Variants in IMPACT observed in about 807,000 individuals in gnomAD.
IMPACT encodes the protein impact RWD domain protein, also known as protein IMPACT.
A neutral mutation model predicts 47.5 loss-of-function variants in IMPACT; 35 were observed. The ratio of observed to expected loss-of-function variants is 0.74; its 90% confidence interval spans 0.56 to 0.98. The LOEUF (loss-of-function observed/expected upper bound fraction) is 0.98, where lower values mean the gene tolerates loss of function less well. IMPACT is among the 50% of genes least tolerant of loss of function. The probability of loss-of-function intolerance (pLI) is 0.00; values close to 1 mark genes in which losing one functional copy is unlikely to be tolerated. For missense variants in IMPACT, 373 were observed against 394.8 expected (o/e 0.94, Z 0.47); for synonymous variants, 118 against 125.6 (o/e 0.94, Z 0.40).
chr18:24,435,588 C>G (rs1219402677), intron 4 of IMPACT: 2 of 152,134 alleles, frequency 1.3e-5, no homozygotes, highest in Non-Finnish European at 2.9e-5. Flanking sequence ...GTCAAACAGA[C>G]AAGGAAGACT....
intron 4 of IMPACT, among the ~76,000 whole-genome samples, chr18:24,436,831 C>T (rs895448429): frequency 1.3e-5 from 2 of 152,064 alleles, no homozygotes; most frequent in African/African-American, 2.4e-5. Context: ...GATTACACCA[C>T]GCCCGGCTCT....
At chr18:24,446,107 A>C (rs939192496) in intron 8 of IMPACT, among the ~76,000 whole-genome samples, 10 of 152,140 alleles carry the variant, frequency 6.6e-5, no homozygotes, top group Admixed American at 2.6e-4. Flanking sequence ...TTTTTGAGAC[A>C]GGGTCTCAAA....
At position 24,434,817 on chromosome 18, in the gene IMPACT, A is replaced by G. The variant is rs566369496; in HGVS notation, c.282-3138A>G. Among the ~76,000 whole-genome samples, 5 of 144,448 alleles carry G rather than the reference A, an allele frequency of 3.5e-5. No individual in the cohort carries two copies. In the East Asian group the frequency reaches 6.0e-4, roughly 17 times the overall value. 94.8% of individuals were successfully genotyped at this position (144,448 alleles called of 152,430 possible). A position where few individuals can be genotyped will look rare whatever the true frequency, so the allele number is the denominator to read the frequency against. ...TATATGTGTGTGTGTGTGTATATAT[A>G]TGTGTATTATATAAGTGTATATATA... is the stretch of plus-strand genomic sequence containing the variant. On this transcript the variant is annotated intron_variant, in intron 4 of 10. Coordinates refer to ENST00000284202, the MANE Select transcript of IMPACT (RefSeq NM_018439.4).
chr18:24,426,844 G>T (rs1455266827), intron 1 of IMPACT, 52 bp downstream of exon 1: 4 of 1,200,062 alleles, frequency 3.3e-6, no homozygotes, highest in East Asian at 3.2e-5. Context: ...GGCTCGCCTC[G>T]CCATGCCAGT....
At chr18:24,450,025 A>G in intron 10 of IMPACT, 72 bp downstream of exon 10, 1 of 1,494,746 alleles carries the variant, frequency 6.7e-7, no homozygotes, top group Non-Finnish European at 9.3e-7. Flanking sequence ...AAGACAGAAA[A>G]TTAAGAATGA....
intron 6 of IMPACT, among the ~76,000 whole-genome samples, chr18:24,442,620 A>G (rs2852354): frequency 0.047 from 7,142 of 152,302 alleles, 271 homozygotes; most frequent in African/African-American, 0.11. Context: ...AAGAATATAA[A>G]TTCATAGTTT....
At position 24,453,017 on chromosome 18, in the gene IMPACT, T is replaced by C. The variant is rs1345249673; in HGVS notation, c.*2170T>C. ...GTCTTGAGCTCCTGGCCTCAATCGA[T>C]CTTCCTGCCAAGGTTTTGGAATTAC... is the stretch of plus-strand genomic sequence containing the variant. On this transcript the variant is annotated 3_prime_UTR_variant, in exon 11 of 11. Transcript: ENST00000284202. 9 of 152,210 alleles carry C rather than the reference T, an allele frequency of 5.9e-5. No homozygotes were observed. Among genetic ancestry groups the C allele is most frequent in the Admixed American group, 5.9e-4 (9 of 15,268 alleles). 9.4% of individuals were successfully genotyped at this position (152,210 alleles called of 1,614,324 possible).
Position 24,430,325 on chromosome 18 carries a change from T to C in IMPACT, c.222T>C (p.Ala74=). ...GTAPPIYQLN[A]PWLKGQERAD... is the part of the protein sequence containing the mutation. ...TAATTGTTTTATTTAATCTTAGTGCTCCTTGGCTTAAAGGGCAAGAACGTG... is the reference window on the plus strand; with the variant it reads ...TAATTGTTTTATTTAATCTTAGTGCCCCTTGGCTTAAAGGGCAAGAACGTG... Residue 74 remains alanine (A), a synonymous_variant, in exon 4 of 11, where the codon GCT becomes GCC. Coordinates refer to ENST00000284202, the MANE Select transcript of IMPACT (RefSeq NM_018439.4). The C allele has an allele frequency of 6.3e-7, 1 of 1,592,470 alleles. No homozygotes were observed. Among genetic ancestry groups the C allele is most frequent in the Non-Finnish European group, 8.5e-7 (1 of 1,170,514 alleles).
In IMPACT at chr18:24,450,278, G is replaced by A. The variant is rs973104092; in HGVS notation, c.894+325G>A. ...TCCATCCCTAAAATTGAGCCCCAGA[G>A]TGGTTGTAGCTGATATCACATCAGA... On this transcript the variant is annotated intron_variant, in intron 10 of 10. Coordinates refer to ENST00000284202, the MANE Select transcript of IMPACT (RefSeq NM_018439.4). Among the ~76,000 whole-genome samples, 54 of 152,276 alleles carry A rather than the reference G, an allele frequency of 3.5e-4. 2 individuals carry two copies. Among genetic ancestry groups the A allele is most frequent in the Middle Eastern group, 6.8e-3 (2 of 294 alleles).
chr18:24,440,191 A>AT (rs901423169), intron 5 of IMPACT, among the ~76,000 whole-genome samples: 9 of 152,038 alleles, frequency 5.9e-5, no homozygotes, highest in African/African-American at 2.2e-4. Flanking sequence ...ATCCTATCAT[A>AT]TTTTTTTGTT....
At chr18:24,433,584 GC>G (rs1484578930) in intron 4 of IMPACT, among the ~76,000 whole-genome samples, 1 of 149,124 alleles carries the variant, frequency 6.7e-6, no homozygotes, top group East Asian at 2.0e-4. Flanking sequence ...TGATCCTCCT[GC>G]CTCTCAGCCT....
chr18:24,428,064 C>G lies in IMPACT; in HGVS notation c.165+17C>G, dbSNP rs1370323979. 6 of 1,560,682 alleles carry G rather than the reference C, an allele frequency of 3.8e-6. No individual in the cohort carries two copies. Among genetic ancestry groups the G allele is most frequent in the Non-Finnish European group, 5.2e-6 (6 of 1,160,338 alleles). The stretch of plus-strand genomic sequence containing the variant: ...TGCTTGCAGGTACTTTTTCCCCCTT[C>G]CTTGCAGCCATCTTTCAGTTACAGT... On this transcript the variant is annotated intron_variant, in intron 2 of 10. Transcript: ENST00000284202.
Position 24,428,862 on chromosome 18 carries a change from A to C in IMPACT, c.166-7A>C. The C allele has an allele frequency of 6.2e-7, 1 of 1,609,550 alleles. No individual in the cohort carries two copies. The highest frequency in any genetic ancestry group is 8.5e-7 in the Non-Finnish European group (1 of 1,177,172). On this transcript the variant is annotated splice_polypyrimidine_tract_variant and splice_region_variant and intron_variant, in intron 2 of 10. Coordinates refer to ENST00000284202, the MANE Select transcript of IMPACT (RefSeq NM_018439.4). The stretch of plus-strand genomic sequence containing the variant: ...TGTAAACAGATGTTTTTGAACCTGC[A>C]TTGTAGGTGATGCTGCCGAATGAAT...
rs1568091452 is a variant in IMPACT at position 24,451,521 on chromosome 18, G to C, written c.*674G>C. ...TGAAATTACAGAAAGTGATTTTCTA[G>C]TCTGCTTTTTTTGTTTAATTCTTGT... On this transcript the variant is annotated 3_prime_UTR_variant, in exon 11 of 11. Transcript: ENST00000284202. The C allele has an allele frequency of 6.6e-6, 1 of 152,318 alleles. No homozygotes were observed. Among genetic ancestry groups the C allele is most frequent in the East Asian group, 1.9e-4 (1 of 5,190 alleles). 9.4% of individuals were successfully genotyped at this position (152,318 alleles called of 1,614,324 possible).
intron 4 of IMPACT, among the ~76,000 whole-genome samples, chr18:24,437,460 T>C (rs1419499717): frequency 6.6e-6 from 1 of 152,226 alleles, no homozygotes; most frequent in African/African-American, 2.4e-5. Context: ...TTGAATTGTC[T>C]TTTAGGTCTT....
chr18:24,453,115 C>G lies in IMPACT; in HGVS notation c.*2268C>G, dbSNP rs968446815. Reference sequence around the variant, plus strand: ...GTTAATTACAAATAGTCTTCATATGCCAGAATATAAGAGCAAGTGTTATCT... The same window carrying G: ...GTTAATTACAAATAGTCTTCATATGGCAGAATATAAGAGCAAGTGTTATCT... On this transcript the variant is annotated 3_prime_UTR_variant, in exon 11 of 11. Coordinates refer to ENST00000284202, the MANE Select transcript of IMPACT (RefSeq NM_018439.4). 1 of 152,082 alleles carries G rather than the reference C, an allele frequency of 6.6e-6. No homozygotes were observed. Among genetic ancestry groups the G allele is most frequent in the East Asian group, 1.9e-4 (1 of 5,194 alleles). 9.4% of individuals were successfully genotyped at this position (152,082 alleles called of 1,614,324 possible).
At chr18:24,450,699 A>G in intron 10 of IMPACT, 80 bp from the exon 11 acceptor site, 1 of 851,366 alleles carries the variant, frequency 1.2e-6, no homozygotes, top group Non-Finnish European at 1.9e-6. Context: ...TATATGTGTA[A>G]ATATATTCTA....
chr18:24,431,846 C>T (rs531978969), intron 4 of IMPACT, among the ~76,000 whole-genome samples: 22 of 152,104 alleles, frequency 1.4e-4, no homozygotes, highest in African/African-American at 2.9e-4. Flanking sequence ...GGACTACAGG[C>T]GCCCGCCACC....
intron 1 of IMPACT, 82 bp from the exon 2 acceptor site, chr18:24,427,837 A>C (rs1022825096): frequency 2.1e-5 from 29 of 1,371,500 alleles, no homozygotes; most frequent in Non-Finnish European, 2.9e-5. Flanking sequence ...GTAATGTTGA[A>C]TTTGAATACC....
Sources: gnomAD v4.1 joint callset for allele counts (sites outside exome capture counted in the v4.1 genomes callset) on GRCh38, gnomAD v4.1.1 for gene constraint, MANE v1.5 for transcripts, NCBI Gene and HGNC (gene_info 2026-07-23, HGNC 2026-07-21) for gene names.